The following PTPRD variants were observed in gnomAD, a reference collection of about 807,000 sequenced individuals.
PTPRD encodes receptor-type tyrosine-protein phosphatase delta.
PTPRD carries 34 observed loss-of-function variants against 214.5 expected under a neutral mutation model. That is an observed-to-expected ratio of 0.16 (90% CI 0.12 to 0.21). The LOEUF is 0.21. Ranked by LOEUF, PTPRD falls within the 10% of genes least tolerant of loss-of-function variation. The probability of loss-of-function intolerance (pLI) is 1.00; values close to 1 mark genes in which losing one functional copy is unlikely to be tolerated. For synonymous variants in PTPRD, 1,128 were observed against 845.7 expected, an observed-to-expected ratio of 1.33 and a Z score of -5.79; for missense variants, 2,545 against 2,398.7, an observed-to-expected ratio of 1.06 and a Z score of -1.27.
At chr9:8,450,154 C>A (rs1283634686) in intron 33 of PTPRD, among the ~76,000 whole-genome samples, 1 of 152,128 alleles carries the variant, frequency 6.6e-6, no homozygotes, top group Non-Finnish European at 1.5e-5. Flanking sequence ...GCAATTCTCT[C>A]TTATCTACTA....
intron 14 of PTPRD, among the ~76,000 whole-genome samples, chr9:8,588,707 G>T (rs1356178697): frequency 6.6e-6 from 1 of 152,112 alleles, no homozygotes; most frequent in African/African-American, 2.4e-5. Context: ...GATAATACAT[G>T]TATCAGATAA....
intron 5 of PTPRD, among the ~76,000 whole-genome samples, chr9:9,841,174 C>T (rs566408385): frequency 2.6e-5 from 4 of 152,144 alleles, no homozygotes; most frequent in African/African-American, 9.6e-5. Context: ...TATTTTGCAT[C>T]GTCGGAATCA....
chr9:8,326,994 C>A (rs11560544), intron 44 of PTPRD, among the ~76,000 whole-genome samples: 13,112 of 145,210 alleles, frequency 0.09, 1 homozygote, highest in African/African-American at 0.12. Context: ...CTCCTGGATT[C>A]ATTGATTTTT....
intron 11 of PTPRD, among the ~76,000 whole-genome samples, chr9:8,870,343 A>G (rs1188341067): frequency 6.6e-6 from 1 of 152,088 alleles, no homozygotes; most frequent in Admixed American, 6.6e-5. Flanking sequence ...TAACCTTGTA[A>G]TTACTCCTAA....
chr9:8,485,150 T>C, intron 29 of PTPRD, 77 bp downstream of exon 29: 1 of 1,234,468 alleles, frequency 8.1e-7, no homozygotes, highest in East Asian at 2.4e-5. Context: ...GTCTGCTTGC[T>C]GTGCAAATAA....
chr9:8,810,689 G>C (rs1031362022), intron 11 of PTPRD, among the ~76,000 whole-genome samples: 1 of 152,120 alleles, frequency 6.6e-6, no homozygotes, highest in East Asian at 1.9e-4. Flanking sequence ...TTAAATATTG[G>C]CAACTATTTG....
At chr9:8,895,394 T>C (rs1390187366) in intron 11 of PTPRD, among the ~76,000 whole-genome samples, 1 of 152,166 alleles carries the variant, frequency 6.6e-6, no homozygotes, top group Non-Finnish European at 1.5e-5. Flanking sequence ...TCTCTGTCCT[T>C]TTGAAAAAGA....
chr9:9,886,326 G>A (rs77903617), intron 5 of PTPRD, among the ~76,000 whole-genome samples: 14,855 of 151,942 alleles, frequency 0.098, 844 homozygotes, highest in South Asian at 0.16. Context: ...TTTAATTCAC[G>A]GGCATTTACA....
chr9:8,619,638 C>T (rs2095746424), intron 14 of PTPRD, among the ~76,000 whole-genome samples: 1 of 151,840 alleles, frequency 6.6e-6, no homozygotes, highest in South Asian at 2.1e-4. Flanking sequence ...CCCACTCCAC[C>T]CCATCTTTTT....
intron 2 of PTPRD, among the ~76,000 whole-genome samples, chr9:10,483,606 G>A (rs2099114163): frequency 6.6e-6 from 1 of 151,916 alleles, no homozygotes; most frequent in South Asian, 2.1e-4. Context: ...GAAAAAGTGG[G>A]CAAAGAACAT....
chr9:9,858,266 T>C (rs753078254), intron 5 of PTPRD, among the ~76,000 whole-genome samples: 2 of 152,156 alleles, frequency 1.3e-5, no homozygotes, highest in Non-Finnish European at 2.9e-5. Context: ...ATGTGGACAA[T>C]AAATATGATG....
chr9:8,784,726 C>T lies in PTPRD; in HGVS notation c.-103-50780G>A, dbSNP rs754919207. Among the ~76,000 whole-genome samples the T allele has an allele frequency of 5.3e-5, 8 of 152,296 alleles. No individual in the cohort carries two copies. In the South Asian group the frequency reaches 1.7e-3, roughly 32 times the overall value. ...AATAAAGATATGCCAGGACAAATTT[C>T]TCTACATCCACATTAGTTAACATCC... On this transcript the variant is annotated intron_variant, in intron 11 of 45. Transcript: ENST00000381196.
intron 3 of PTPRD, among the ~76,000 whole-genome samples, chr9:10,263,090 G>A (rs531527881): frequency 6.6e-6 from 1 of 152,224 alleles, no homozygotes; most frequent in East Asian, 1.9e-4. Context: ...GGCCTCCCCA[G>A]CCATGTGGAA....
chr9:10,393,841 T>C (rs1458966746), intron 2 of PTPRD, among the ~76,000 whole-genome samples: 1 of 148,656 alleles, frequency 6.7e-6, no homozygotes, highest in East Asian at 2.0e-4. Context: ...TTCGAAGTAA[T>C]GCCACCTAAC....
intron 3 of PTPRD, among the ~76,000 whole-genome samples, chr9:10,266,687 G>C (rs903530939): frequency 4.6e-5 from 7 of 152,026 alleles, no homozygotes; most frequent in African/African-American, 7.3e-5. Flanking sequence ...TTGAGCTTGA[G>C]AGGAAACTAT....
chr9:8,914,414 TA>T (rs2098770421), intron 11 of PTPRD, among the ~76,000 whole-genome samples: 1 of 152,116 alleles, frequency 6.6e-6, no homozygotes, highest in Non-Finnish European at 1.5e-5. Context: ...CAGGTGGTCA[TA>T]AAGGATTGCA....
At chr9:8,685,037 G>T (rs982953942) in intron 12 of PTPRD, among the ~76,000 whole-genome samples, 1 of 152,098 alleles carries the variant, frequency 6.6e-6, no homozygotes, top group Non-Finnish European at 1.5e-5. Context: ...TCCGGGGCTG[G>T]ATGTCAAGAT....
intron 5 of PTPRD, among the ~76,000 whole-genome samples, chr9:9,925,556 AG>A (rs555530968): frequency 4.7e-4 from 71 of 152,164 alleles, no homozygotes; most frequent in African/African-American, 1.7e-3. Context: ...TTATTATAAC[AG>A]TAATATTAAA....
intron 12 of PTPRD, among the ~76,000 whole-genome samples, chr9:8,652,253 G>A (rs560312485): frequency 6.6e-6 from 1 of 152,250 alleles, no homozygotes; most frequent in South Asian, 2.1e-4. Context: ...TCTGGTGGTG[G>A]ATTTTTCTTT....
Sources: gnomAD v4.1 joint callset for allele counts (sites outside exome capture counted in the v4.1 genomes callset) on GRCh38, gnomAD v4.1.1 for gene constraint, MANE v1.5 for transcripts, NCBI Gene and HGNC (gene_info 2026-07-23, HGNC 2026-07-21) for gene names.